Variants in GMDS observed in about 807,000 individuals in gnomAD.
GMDS encodes the protein GDP-mannose 4,6-dehydratase, also known as GDP-mannose 4,6 dehydratase.
A neutral mutation model predicts 49.9 loss-of-function variants in GMDS; 20 were observed. The ratio of observed to expected loss-of-function variants is 0.40; its 90% CI spans 0.28 to 0.58. The LOEUF is 0.58. Ranked by LOEUF, GMDS falls within the 20% of genes least tolerant of loss-of-function variation. The pLI, the probability that GMDS is intolerant of heterozygous loss-of-function variation, is 0.42. For synonymous variants in GMDS, 177 were observed against 178.6 expected (o/e 0.99, Z 0.07); for missense variants, 362 against 481.4 (o/e 0.75, Z 2.32).
At chr6:2,147,764 T>G (rs1013038427) in intron 1 of GMDS, among the ~76,000 whole-genome samples, 3 of 150,664 alleles carry the variant, frequency 2.0e-5, no homozygotes, top group African/African-American at 7.4e-5. Flanking sequence ...AACACAGACC[T>G]TTTTCTTTAA....
chr6:2,092,965 G>A (rs1773407001), intron 4 of GMDS, among the ~76,000 whole-genome samples: 1 of 152,296 alleles, frequency 6.6e-6, no homozygotes, highest in African/African-American at 2.4e-5. Flanking sequence ...TGTGTATTCA[G>A]CCAGTAGTTA....
intron 1 of GMDS, among the ~76,000 whole-genome samples, chr6:2,229,235 C>A (rs984996859): frequency 6.6e-6 from 1 of 152,130 alleles, no homozygotes; most frequent in South Asian, 2.1e-4. Context: ...AAGGCACTTT[C>A]TTTCGTCCTA....
chr6:2,136,352 G>C (rs1775999579), intron 1 of GMDS, among the ~76,000 whole-genome samples: 1 of 152,178 alleles, frequency 6.6e-6, no homozygotes, highest in Admixed American at 6.5e-5. Context: ...TAACGAAATT[G>C]AGTATCCAAA....
intron 7 of GMDS, among the ~76,000 whole-genome samples, chr6:1,859,825 C>T (rs1284624473): frequency 2.0e-5 from 3 of 152,172 alleles, no homozygotes; most frequent in Non-Finnish European, 2.9e-5. Context: ...TGAATCAGAA[C>T]CCTTGATTGT....
chr6:1,969,599 TG>T (rs1228304576), intron 4 of GMDS, among the ~76,000 whole-genome samples: 1 of 152,168 alleles, frequency 6.6e-6, no homozygotes, highest in African/African-American at 2.4e-5. Flanking sequence ...TATGGTTCAG[TG>T]GGGCGGCCTC....
intron 9 of GMDS, among the ~76,000 whole-genome samples, chr6:1,659,862 T>TA (rs138706225): frequency 0.24 from 36,132 of 148,806 alleles, 4,560 homozygotes; most frequent in East Asian, 0.52. Context: ...TAATATCCAT[T>TA]AAAAAAAAAA....
chr6:1,964,963 T>A (rs1475199437), intron 4 of GMDS, among the ~76,000 whole-genome samples: 1 of 151,946 alleles, frequency 6.6e-6, no homozygotes, highest in Non-Finnish European at 1.5e-5. Context: ...AGAATGATGG[T>A]TTCCAGCTTC....
chr6:2,211,356 CCTG>C (rs1280136316), intron 1 of GMDS, among the ~76,000 whole-genome samples: 1 of 152,124 alleles, frequency 6.6e-6, no homozygotes, highest in African/African-American at 2.4e-5. Flanking sequence ...TCAGCAAATA[CCTG>C]CTGAAGAAGT....
chr6:2,205,158 T>C (rs1182060726), intron 1 of GMDS, among the ~76,000 whole-genome samples: 2 of 152,224 alleles, frequency 1.3e-5, no homozygotes, highest in East Asian at 3.8e-4. Context: ...AACACCATTT[T>C]ACAAATGAAA....
chr6:1,996,323 G>A (rs573877801), intron 4 of GMDS, among the ~76,000 whole-genome samples: 3 of 152,212 alleles, frequency 2.0e-5, no homozygotes, highest in Non-Finnish European at 4.4e-5. Context: ...TCTGGGTAGT[G>A]TACCTTTTTA....
chr6:1,718,460 T>A (rs1766251230), intron 9 of GMDS, among the ~76,000 whole-genome samples: 1 of 152,190 alleles, frequency 6.6e-6, no homozygotes. Flanking sequence ...CTCTTCCACA[T>A]GTCCTTAGTC....
At chr6:1,805,154 A>G (rs1770120572) in intron 7 of GMDS, among the ~76,000 whole-genome samples, 1 of 152,168 alleles carries the variant, frequency 6.6e-6, no homozygotes. Flanking sequence ...TATAAGGTAA[A>G]TTATTAGTTT....
At chr6:1,930,472 G>A in intron 6 of GMDS, 1 of 362,066 alleles carries the variant, frequency 2.8e-6, no homozygotes, top group Non-Finnish European at 5.0e-6. Context: ...TTTTCTTTGG[G>A]GGACATCTTA....
At chr6:1,676,415 A>G (rs936053419) in intron 9 of GMDS, among the ~76,000 whole-genome samples, 1 of 152,240 alleles carries the variant, frequency 6.6e-6, no homozygotes, top group African/African-American at 2.4e-5. Context: ...CTTTCTTCAT[A>G]GAATTGGAAA....
At chr6:1,729,366 G>A (rs1178395924) in intron 8 of GMDS, among the ~76,000 whole-genome samples, 2 of 151,848 alleles carry the variant, frequency 1.3e-5, no homozygotes, top group African/African-American at 4.9e-5. Context: ...GCTGTCTGCT[G>A]AACTTGCATC....
At chr6:1,797,995 A>C (rs1208628860) in intron 7 of GMDS, among the ~76,000 whole-genome samples, 4 of 152,186 alleles carry the variant, frequency 2.6e-5, no homozygotes, top group Non-Finnish European at 5.9e-5. Flanking sequence ...AATGTCACAT[A>C]GTTATTTCCT....
At chr6:2,160,581 G>C (rs1167839567) in intron 1 of GMDS, among the ~76,000 whole-genome samples, 1 of 152,170 alleles carries the variant, frequency 6.6e-6, no homozygotes, top group African/African-American at 2.4e-5. Context: ...GACAGGTGTT[G>C]CCCAGGCTGC....
chr6:1,826,351 C>T lies in GMDS; in HGVS notation c.772-83765G>A, dbSNP rs143469374. Among the ~76,000 whole-genome samples the T allele has an allele frequency of 2.9e-3, 435 of 152,258 alleles. 2 individuals carry two copies. The highest frequency in any genetic ancestry group is 0.01 in the African/African-American group (416 of 41,534). On this transcript the variant is annotated intron_variant, in intron 7 of 10. Transcript: ENST00000380815. ...GTCATTATGTGGTGCACGACTATATCTTTAGTAAGAGGATCTTGGAATATT... is the reference window on the plus strand; with the variant it reads ...GTCATTATGTGGTGCACGACTATATTTTTAGTAAGAGGATCTTGGAATATT...
intron 9 of GMDS, chr6:1,625,061 G>A (rs1762811256): frequency 6.6e-6 from 1 of 151,972 alleles, no homozygotes; most frequent in East Asian, 1.9e-4. Context: ...CTCGGGCTGT[G>A]GGGCGCGAGG....
Sources: allele counts gnomAD v4.1 joint callset (sites outside exome capture counted in the v4.1 genomes callset), GRCh38; gene constraint gnomAD v4.1.1; transcripts MANE v1.5; gene names NCBI Gene and HGNC (gene_info 2026-07-23, HGNC 2026-07-21).